The following CELF2 variants were observed in gnomAD, a reference collection of about 807,000 sequenced individuals.
CELF2 encodes the protein CUGBP Elav-like family member 2.
In CELF2, 8 loss-of-function variants were observed where a neutral mutation model predicts 62.6. The observed-to-expected ratio is 0.13, with a 90% CI of 0.07 to 0.23. The LOEUF is 0.23. CELF2 is among the 10% of genes least tolerant of loss of function. The pLI, the probability that CELF2 is intolerant of heterozygous loss-of-function variation, is 1.00. For synonymous variants in CELF2, 258 were observed against 250.0 expected, an observed-to-expected ratio of 1.03 and a Z score of -0.30; for missense variants, 333 against 671.0, an observed-to-expected ratio of 0.50 and a Z score of 5.56.
the CELF2 span, among the ~76,000 whole-genome samples, chr10:10,467,268 T>C: frequency 6.6e-6 from 1 of 152,076 alleles, no homozygotes; most frequent in Admixed American, 6.6e-5. Flanking sequence ...ATGTTTAGTA[T>C]GAAATAAAAA....
chr10:11,039,833 C>A lies in CELF2; in HGVS notation c.74+21670C>A, dbSNP rs1457378055. The stretch of plus-strand genomic sequence containing the variant: ...CATGGACCAGAGTAACCTAAAGATG[C>A]ATGTTGGTATATATTTTAATTCCAG... On this transcript the variant is annotated intron_variant, in intron 1 of 12. Coordinates refer to ENST00000633077, the MANE Select transcript of CELF2 (RefSeq NM_001326342.2). This position sits in a 1 kb window ranked among gnomAD's most constrained non-coding sequence, Gnocchi z 4.1. Among the ~76,000 whole-genome samples, 1 of 152,112 alleles carries A rather than the reference C, an allele frequency of 6.6e-6. No homozygotes were observed. Among genetic ancestry groups the A allele is most frequent in the African/African-American group, 2.4e-5 (1 of 41,412 alleles).
rs1274569357 is a variant in CELF2 at position 11,247,555 on chromosome 10, C to G, written c.355-1598C>G. On this transcript the variant is annotated intron_variant, in intron 3 of 12. Transcript: ENST00000633077. The surrounding 1 kb of genome is among the most constrained non-coding windows in gnomAD (Gnocchi z 5.4). The stretch of plus-strand genomic sequence containing the variant: ...CTTACCGGCTGAGGGCTCAGTGTCT[C>G]TCCTGCCCCTGCCATCCCACCCCCT... 6.6e-6 allele frequency among the ~76,000 whole-genome samples: 1 copy of G among 152,142 alleles called. No homozygotes were observed. Among genetic ancestry groups the G allele is most frequent in the Non-Finnish European group, 1.5e-5 (1 of 68,010 alleles).
At chr10:10,918,834 T>G (rs1348682183) in intron 1 of CELF2, among the ~76,000 whole-genome samples, 1 of 152,174 alleles carries the variant, frequency 6.6e-6, no homozygotes, top group Admixed American at 6.5e-5. Context: ...AAGGAGATTT[T>G]ATACCATTGT....
chr10:11,185,661 G>A (rs904204371), intron 2 of CELF2, among the ~76,000 whole-genome samples: 13 of 152,140 alleles, frequency 8.5e-5, no homozygotes, highest in Non-Finnish European at 1.5e-4. Context: ...TGATGCGCCT[G>A]CCTCAGCCTC....
At chr10:10,785,169 C>G in the CELF2 span, among the ~76,000 whole-genome samples, 29 of 152,146 alleles carry the variant, frequency 1.9e-4, no homozygotes, top group Non-Finnish European at 3.4e-4. Flanking sequence ...TCATGGTGAT[C>G]AATCAGGGAT....
At chr10:10,779,634 A>G in the CELF2 span, among the ~76,000 whole-genome samples, 1 of 152,172 alleles carries the variant, frequency 6.6e-6, no homozygotes, top group Admixed American at 6.5e-5. Context: ...CTCGCTCTAC[A>G]TCATATTCAT....
chr10:11,092,629 G>C (rs1314323601), intron 1 of CELF2, among the ~76,000 whole-genome samples: 3 of 152,218 alleles, frequency 2.0e-5, no homozygotes, highest in Non-Finnish European at 4.4e-5. Context: ...ACTTAACAAG[G>C]CTTGTTTGTT....
chr10:10,877,383 T>C (rs2061168788), intron 1 of CELF2, among the ~76,000 whole-genome samples: 1 of 152,236 alleles, frequency 6.6e-6, no homozygotes, highest in South Asian at 2.1e-4. Flanking sequence ...CATAGGTAAG[T>C]GAACATTGGT....
the CELF2 span, among the ~76,000 whole-genome samples, chr10:10,775,625 AATAT>A: frequency 1.8e-5 from 2 of 108,160 alleles, no homozygotes; most frequent in Non-Finnish European, 2.1e-5. Flanking sequence ...AAAAAAAAAA[AATAT>A]ATATATAGGG....
At chr10:10,827,810 A>G (rs2057518080) in intron 1 of CELF2, among the ~76,000 whole-genome samples, 1 of 152,226 alleles carries the variant, frequency 6.6e-6, no homozygotes, top group African/African-American at 2.4e-5. Context: ...CATTACAAAA[A>G]TAAAATAAAG....
the CELF2 span, among the ~76,000 whole-genome samples, chr10:10,547,688 A>AGTGT: frequency 1.5e-5 from 2 of 134,814 alleles, no homozygotes; most frequent in African/African-American, 5.5e-5. Context: ...AGAGAGAGAG[A>AGTGT]GAGAGTGTGT....
At chr10:10,696,075 G>A in the CELF2 span, among the ~76,000 whole-genome samples, 1 of 151,764 alleles carries the variant, frequency 6.6e-6, no homozygotes, top group African/African-American at 2.4e-5. Flanking sequence ...TGGAGGAGGA[G>A]AGGTGCTCTG....
chr10:10,631,882 G>C, the CELF2 span, among the ~76,000 whole-genome samples: 1 of 152,188 alleles, frequency 6.6e-6, no homozygotes, highest in African/African-American at 2.4e-5. Context: ...ACAAGAGGTA[G>C]GCTGGGAACT....
the CELF2 span, among the ~76,000 whole-genome samples, chr10:10,716,063 G>A: frequency 3.9e-5 from 6 of 152,122 alleles, no homozygotes; most frequent in African/African-American, 1.4e-4. Flanking sequence ...AACAATGTAG[G>A]AGGGAAGAAA....
Position 10,916,393 on chromosome 10 carries a change from C to G in CELF2, c.54-3571C>G, listed in dbSNP as rs1260702689. On this transcript the variant is annotated intron_variant, in intron 1 of 13. Coordinates refer to the CELF2 transcript ENST00000636488. Reference sequence around the variant, plus strand: ...AGTAATCATGGACATCAAGTAATATCTGTAACTCTAATGTCAGTTTTTAGC... The same window carrying G: ...AGTAATCATGGACATCAAGTAATATGTGTAACTCTAATGTCAGTTTTTAGC... 2.6e-5 allele frequency among the ~76,000 whole-genome samples: 4 copies of G among 152,208 alleles called. No individual in the cohort carries two copies. The East Asian group carries it at 7.7e-4, about 29-fold the overall frequency.
At chr10:10,836,550 A>T (rs1590989459) in intron 1 of CELF2, among the ~76,000 whole-genome samples, 1 of 152,282 alleles carries the variant, frequency 6.6e-6, no homozygotes, top group Non-Finnish European at 1.5e-5. Context: ...GCGAATCACT[A>T]CTTAAAATTT....
chr10:10,814,616 A>G (rs1388435221), intron 1 of CELF2, among the ~76,000 whole-genome samples: 1 of 152,148 alleles, frequency 6.6e-6, no homozygotes, highest in Non-Finnish European at 1.5e-5. Flanking sequence ...GAATGAGAAC[A>G]CTGTTTTTGA....
At chr10:10,895,718 A>G (rs1456203395) in intron 1 of CELF2, among the ~76,000 whole-genome samples, 1 of 152,226 alleles carries the variant, frequency 6.6e-6, no homozygotes, top group African/African-American at 2.4e-5. Flanking sequence ...ATGAAAAACC[A>G]AAAACATGGG....
At chr10:10,504,477 C>A in the CELF2 span, among the ~76,000 whole-genome samples, 1 of 152,126 alleles carries the variant, frequency 6.6e-6, no homozygotes, top group African/African-American at 2.4e-5. Flanking sequence ...TTTACTCTGG[C>A]TGCTTTCAAG....
Sources: gnomAD v4.1 joint callset for allele counts (sites outside exome capture counted in the v4.1 genomes callset) on GRCh38, gnomAD v4.1.1 for gene constraint, Gnocchi (gnomAD v3.1) non-coding constraint, MANE v1.5 for transcripts, NCBI Gene and HGNC (gene_info 2026-07-23, HGNC 2026-07-21) for gene names.